The following ZBTB44 variants were observed in gnomAD, a reference collection of about 807,000 sequenced individuals.
ZBTB44 encodes zinc finger and BTB domain containing 44, also known as zinc finger and BTB domain-containing protein 44.
ZBTB44 carries 15 observed loss-of-function variants against 54.0 expected under a neutral mutation model. The ratio of observed to expected loss-of-function variants is 0.28; its 90% CI spans 0.19 to 0.43. The LOEUF (loss-of-function observed/expected upper bound fraction) is 0.43, where lower values mean the gene tolerates loss of function less well. Among genes scored for constraint, ZBTB44 ranks in the 20% least tolerant of loss-of-function variants. The pLI is 1.00. For synonymous variants in ZBTB44, 230 were observed against 250.1 expected (o/e 0.92, Z 0.76); for missense variants, 487 against 707.1 (o/e 0.69, Z 3.53).
chr11:130,302,161 A>G lies in ZBTB44; in HGVS notation c.-57+12214T>C, dbSNP rs1942023779. ...GTACGCTTTACATATTATGTAACTT[A>G]ATTTTCACATAAACTTTTGTGATAG... is the stretch of plus-strand genomic sequence containing the variant. On this transcript the variant is annotated intron_variant, in intron 1 of 7. Transcript: ENST00000357899. 4.6e-5 allele frequency among the ~76,000 whole-genome samples: 7 copies of G among 152,334 alleles called. No homozygotes were observed. The South Asian group carries it at 1.4e-3, about 32-fold the overall frequency.
intron 1 of ZBTB44, among the ~76,000 whole-genome samples, chr11:130,300,211 TGAA>T (rs1941916307): frequency 6.6e-6 from 1 of 152,244 alleles, no homozygotes; most frequent in East Asian, 1.9e-4. Flanking sequence ...TTCTGAAAGA[TGAA>T]GAGAGTTCTG....
Position 130,242,027 on chromosome 11 carries a change from A to C in ZBTB44, c.1019-2131T>G, listed in dbSNP as rs933751777. On this transcript the variant is annotated intron_variant, in intron 2 of 7. Transcript: ENST00000357899. ...TAATAAATCTTGCTATCAAGTAGAG[A>C]AAGTTCTCTGCCCTTGTTCATTTGC... is the stretch of plus-strand genomic sequence containing the variant. Among the ~76,000 whole-genome samples, 10 of 152,228 alleles carry C rather than the reference A, an allele frequency of 6.6e-5. 1 individual carries two copies.
Position 130,230,200 on chromosome 11 carries a change from C to T in ZBTB44, c.*1564G>A, listed in dbSNP as rs1953823859. ...GAATAAAAGCTGATAAAATAGATAA[C>T]TGGCCTCTATTTAGATTAAGAGAAA... On this transcript the variant is annotated 3_prime_UTR_variant, in exon 8 of 8. Coordinates refer to ENST00000357899, the MANE Select transcript of ZBTB44 (RefSeq NM_001301098.2). 1.3e-5 allele frequency: 2 copies of T among 151,880 alleles called. No homozygotes were observed. Among genetic ancestry groups the T allele is most frequent in the African/African-American group, 4.8e-5 (2 of 41,384 alleles). 9.4% of individuals were successfully genotyped at this position (151,880 alleles called of 1,614,324 possible). A position where few individuals can be genotyped will look rare whatever the true frequency, so the allele number is the denominator to read the frequency against.
chr11:130,269,194 C>G (rs1323010730), intron 1 of ZBTB44, among the ~76,000 whole-genome samples: 1 of 151,930 alleles, frequency 6.6e-6, no homozygotes, highest in East Asian at 1.9e-4. Flanking sequence ...GAGGCTGAGG[C>G]AGGTGAATCA....
At chr11:130,267,561 C>T (rs1236140312) in intron 1 of ZBTB44, among the ~76,000 whole-genome samples, 13 of 151,848 alleles carry the variant, frequency 8.6e-5, no homozygotes, top group Admixed American at 5.2e-4. Context: ...TGTATCACCA[C>T]GCCTGGCTAA....
At chr11:130,247,744 A>G (rs934853522) in intron 2 of ZBTB44, among the ~76,000 whole-genome samples, 1 of 151,628 alleles carries the variant, frequency 6.6e-6, no homozygotes, top group Admixed American at 6.6e-5. Context: ...AGCCAGTGAG[A>G]AAAAAAAACC....
rs372650625 is a variant in ZBTB44, at chr11:130,261,331, C to G, written c.543G>C (p.Arg181=). 1 of 1,613,936 alleles carries G rather than the reference C, an allele frequency of 6.2e-7. No homozygotes were observed. The highest frequency in any genetic ancestry group is 8.5e-7 in the Non-Finnish European group (1 of 1,179,894). Residue 181 remains arginine, a synonymous_variant, in exon 2 of 8, where the codon CGG becomes CGC. Coordinates refer to ENST00000357899, the MANE Select transcript of ZBTB44 (RefSeq NM_001301098.2). The surrounding 1 kb of genome is among the most constrained non-coding windows in gnomAD (Gnocchi z 4.8). ...TAACAATGTAGCTTTTGCGCTTTCT[C>G]CGGGATTCTCGGCAGACAGGAATGG... The part of the protein sequence containing the change: ...ERTIPVCRES[R]RKRKSYIVMS...
chr11:130,267,786 G>A lies in ZBTB44; in HGVS notation c.-56-5857C>T, dbSNP rs182021533. 3.4e-4 allele frequency among the ~76,000 whole-genome samples: 52 copies of A among 152,200 alleles called. 2 individuals are homozygous for A. In the South Asian group the frequency reaches 7.7e-3, roughly 22 times the overall value. On this transcript the variant is annotated intron_variant, in intron 1 of 7. Transcript: ENST00000357899. ...CTGTAGAGAAATCCTCGTGAAGGCC[G>A]GGCGCAGTGGCTCATGCCTGTAATC... is the stretch of plus-strand genomic sequence containing the variant.
chr11:130,268,887 T>C (rs762142815), intron 1 of ZBTB44, among the ~76,000 whole-genome samples: 3 of 150,216 alleles, frequency 2.0e-5, no homozygotes, highest in Non-Finnish European at 4.4e-5. Flanking sequence ...GCCTCAAATT[T>C]TAAGAGAGAG....
chr11:130,313,720 A>C (rs949829166), intron 1 of ZBTB44, among the ~76,000 whole-genome samples: 1 of 151,880 alleles, frequency 6.6e-6, no homozygotes, highest in African/African-American at 2.4e-5. Context: ...TGTAAGTTCC[A>C]AAAAAAAGCA....
At chr11:130,270,485 G>A (rs1359029121) in intron 1 of ZBTB44, among the ~76,000 whole-genome samples, 1 of 152,216 alleles carries the variant, frequency 6.6e-6, no homozygotes, top group Admixed American at 6.5e-5. Context: ...TTTTACAGAT[G>A]AGGAAACTGA....
At chr11:130,297,659 A>G (rs1256535244) in intron 1 of ZBTB44, among the ~76,000 whole-genome samples, 4 of 152,218 alleles carry the variant, frequency 2.6e-5, no homozygotes, top group African/African-American at 9.6e-5. Context: ...AGACAAGCCA[A>G]GGCACTACCA....
At chr11:130,311,946 C>T (rs1002955779) in intron 1 of ZBTB44, among the ~76,000 whole-genome samples, 1 of 152,048 alleles carries the variant, frequency 6.6e-6, no homozygotes, top group African/African-American at 2.4e-5. Flanking sequence ...AAAAGAAAGA[C>T]GACTGTAACT....
chr11:130,279,505 C>G (rs188514420), intron 1 of ZBTB44, among the ~76,000 whole-genome samples: 1 of 152,058 alleles, frequency 6.6e-6, no homozygotes, highest in East Asian at 1.9e-4. Flanking sequence ...TTAAAAATAC[C>G]AAAATTAGCT....
chr11:130,295,284 G>C (rs75395837), intron 1 of ZBTB44, among the ~76,000 whole-genome samples: 1,621 of 152,250 alleles, frequency 0.011, 18 homozygotes, highest in Non-Finnish European at 0.015. Flanking sequence ...GCTCCAAATG[G>C]AGACATGTCT....
intron 1 of ZBTB44, chr11:130,285,711 T>C: frequency 3.8e-6 from 1 of 260,446 alleles, no homozygotes; most frequent in Non-Finnish European, 7.6e-6. Context: ...TCCTCACCTC[T>C]CCAGTTCTTG....
intron 6 of ZBTB44, chr11:130,233,924 A>T (rs1283416431): frequency 3.8e-6 from 4 of 1,041,592 alleles, no homozygotes; most frequent in Non-Finnish European, 4.6e-6. Flanking sequence ...AAATTAAATT[A>T]AATTTAAATG....
intron 2 of ZBTB44, among the ~76,000 whole-genome samples, chr11:130,252,694 G>A (rs1374482228): frequency 1.3e-5 from 2 of 152,066 alleles, no homozygotes; most frequent in Non-Finnish European, 2.9e-5. Context: ...AGAAAAAGAG[G>A]GAATCCTCCC....
intron 1 of ZBTB44, among the ~76,000 whole-genome samples, chr11:130,299,181 C>T (rs779870202): frequency 4.6e-5 from 7 of 151,870 alleles, no homozygotes; most frequent in Non-Finnish European, 8.8e-5. Flanking sequence ...GGTATGTTCA[C>T]CAAGAAAGAT....
Sources: gnomAD v4.1 joint callset for allele counts (sites outside exome capture counted in the v4.1 genomes callset) on GRCh38, gnomAD v4.1.1 for gene constraint, Gnocchi (gnomAD v3.1) non-coding constraint, MANE v1.5 for transcripts, NCBI Gene and HGNC (gene_info 2026-07-23, HGNC 2026-07-21) for gene names.